Variants in ELP4 observed in about 807,000 individuals in gnomAD.
ELP4 encodes elongator complex protein 4.
In ELP4, 51 loss-of-function variants were observed where a neutral mutation model predicts 48.9. That is an observed-to-expected ratio of 1.04 (90% CI 0.83 to 1.32). The LOEUF (loss-of-function observed/expected upper bound fraction) is 1.32, where lower values mean the gene tolerates loss of function less well. Ranked by LOEUF, ELP4 falls within the 40% of genes most tolerant of loss-of-function variation. The pLI, the probability that ELP4 is intolerant of heterozygous loss-of-function variation, is 0.00. For synonymous variants in ELP4, 210 were observed against 189.2 expected (o/e 1.11, Z -0.90); for missense variants, 519 against 514.6 (o/e 1.01, Z -0.08).
intron 9 of ELP4, among the ~76,000 whole-genome samples, chr11:31,768,135 A>G (rs1056242576): frequency 1.3e-5 from 2 of 152,094 alleles, no homozygotes; most frequent in African/African-American, 2.4e-5. Context: ...TTTTTTTTCT[A>G]AATTTTACCA....
intron 5 of ELP4, among the ~76,000 whole-genome samples, chr11:31,617,827 T>G (rs1221623661): frequency 2.0e-5 from 3 of 151,090 alleles, no homozygotes; most frequent in Non-Finnish European, 4.4e-5. Context: ...ATAACAAGTG[T>G]TGACAAGGAT....
At chr11:31,763,019 AAAGAT>A (rs1220497045) in intron 9 of ELP4, among the ~76,000 whole-genome samples, 1 of 152,012 alleles carries the variant, frequency 6.6e-6, no homozygotes, top group Non-Finnish European at 1.5e-5. Context: ...AATAATAACA[AAAGAT>A]AAGTAAGCTC....
intron 3 of ELP4, among the ~76,000 whole-genome samples, chr11:31,590,776 A>G (rs1957555088): frequency 6.6e-6 from 1 of 152,152 alleles, no homozygotes; most frequent in Non-Finnish European, 1.5e-5. Flanking sequence ...GCAGGAAGGT[A>G]GTTCACACTT....
intron 9 of ELP4, among the ~76,000 whole-genome samples, chr11:31,756,065 C>G (rs1346613011): frequency 6.6e-6 from 1 of 152,134 alleles, no homozygotes. Context: ...TTAAAAGAAT[C>G]ACAGAAGTGA....
intron 2 of ELP4, among the ~76,000 whole-genome samples, chr11:31,524,592 A>G (rs1002842982): frequency 6.6e-6 from 1 of 152,252 alleles, no homozygotes; most frequent in Non-Finnish European, 1.5e-5. Context: ...GACAGGAATC[A>G]TAGGGACCAC....
chr11:31,546,695 C>T (rs1328984883), intron 3 of ELP4, among the ~76,000 whole-genome samples: 2 of 151,870 alleles, frequency 1.3e-5, no homozygotes, highest in Non-Finnish European at 2.9e-5. Flanking sequence ...TTTTTCAGCA[C>T]CACACCACAC....
In ELP4 at chr11:31,704,502, G is replaced by T. The variant is rs943561874; in HGVS notation, c.1143+54281G>T. On this transcript the variant is annotated intron_variant, in intron 9 of 9. Transcript: ENST00000640961. The stretch of plus-strand genomic sequence containing the variant: ...GGGCCTGTTGTGGGGTGGGAGGAGG[G>T]GGGAGGGAAAGCATTAGGAGATATA... Among the ~76,000 whole-genome samples the T allele has an allele frequency of 5.3e-5, 8 of 152,056 alleles. No homozygotes were observed. The East Asian group carries it at 1.4e-3, about 26-fold the overall frequency.
In ELP4 at chr11:31,647,715, T is replaced by G. The variant is rs533474275; in HGVS notation, c.928-26T>G. ...ATACTATTAACATAATATTTAACGT[T>G]ACTGTTTTGTTTCCATGTTTTGCAG... On this transcript the variant is annotated intron_variant, in intron 7 of 9. Transcript: ENST00000640961. 45 of 1,330,932 alleles carry G rather than the reference T, an allele frequency of 3.4e-5. No individual in the cohort carries two copies. The East Asian group carries it at 1.0e-3, about 31-fold the overall frequency. 82.4% of individuals were successfully genotyped at this position (1,330,932 alleles called of 1,614,324 possible). A position where few individuals can be genotyped will look rare whatever the true frequency, so the allele number is the denominator to read the frequency against.
chr11:31,746,760 G>A (rs1340869719), intron 9 of ELP4, among the ~76,000 whole-genome samples: 1 of 151,976 alleles, frequency 6.6e-6, no homozygotes, highest in African/African-American at 2.4e-5. Flanking sequence ...AGGGGGGAGG[G>A]ATAGCATTAG....
At chr11:31,539,555 G>A (rs918274735) in intron 2 of ELP4, 107 bp from the exon 3 acceptor site, 1 of 1,205,332 alleles carries the variant, frequency 8.3e-7, no homozygotes, top group Non-Finnish European at 1.1e-6. Flanking sequence ...TCATATACTT[G>A]TTTTAAGGAA....
At chr11:31,692,913 T>C (rs1186947272) in intron 9 of ELP4, among the ~76,000 whole-genome samples, 1 of 152,132 alleles carries the variant, frequency 6.6e-6, no homozygotes, top group African/African-American at 2.4e-5. Context: ...ATCCTGTATT[T>C]TCTCTATCAT....
intron 5 of ELP4, among the ~76,000 whole-genome samples, chr11:31,604,144 T>C (rs1957829597): frequency 6.6e-6 from 1 of 151,760 alleles, no homozygotes; most frequent in Admixed American, 6.6e-5. Flanking sequence ...AATTTGCAAC[T>C]TGAAAAATCA....
chr11:31,684,794 A>G (rs1392882864), intron 9 of ELP4, among the ~76,000 whole-genome samples: 4 of 152,180 alleles, frequency 2.6e-5, no homozygotes, highest in African/African-American at 7.2e-5. Context: ...ACAAAAATCA[A>G]TTCCAGATGG....
chr11:31,555,562 AC>A (rs558423669), intron 3 of ELP4, among the ~76,000 whole-genome samples: 4 of 151,972 alleles, frequency 2.6e-5, no homozygotes, highest in Admixed American at 1.3e-4. Context: ...ATGAAAAAGT[AC>A]AAAAGTATTG....
intron 9 of ELP4, among the ~76,000 whole-genome samples, chr11:31,674,372 G>T (rs1377106368): frequency 6.6e-6 from 1 of 152,126 alleles, no homozygotes; most frequent in African/African-American, 2.4e-5. Flanking sequence ...TTTCCAAATT[G>T]GTGTGTTTAA....
chr11:31,598,503 CTTTTTTTTT>C (rs10702222), intron 4 of ELP4, among the ~76,000 whole-genome samples: 2 of 77,740 alleles, frequency 2.6e-5, no homozygotes, highest in Non-Finnish European at 4.5e-5. Flanking sequence ...TTTTCTTCTT[CTTTTTTTTT>C]TTTTTTTTTT....
intron 3 of ELP4, chr11:31,580,950 T>C (rs1957380304): frequency 6.6e-6 from 1 of 152,180 alleles, no homozygotes; most frequent in South Asian, 2.1e-4. Context: ...GTATTAAGTG[T>C]GTACATGATG....
intron 3 of ELP4, among the ~76,000 whole-genome samples, chr11:31,559,381 A>G (rs759714133): frequency 1.3e-5 from 2 of 152,202 alleles, no homozygotes; most frequent in Non-Finnish European, 2.9e-5. Flanking sequence ...TTTGTTGTTT[A>G]TATAATATTC....
intron 3 of ELP4, among the ~76,000 whole-genome samples, chr11:31,547,922 G>C (rs538860237): frequency 6.6e-6 from 1 of 152,224 alleles, no homozygotes; most frequent in East Asian, 1.9e-4. Flanking sequence ...AAAGGCCTTT[G>C]ACAAAATTCA....
Sources: gnomAD v4.1 joint callset for allele counts (sites outside exome capture counted in the v4.1 genomes callset) on GRCh38, gnomAD v4.1.1 for gene constraint, MANE v1.5 for transcripts, NCBI Gene and HGNC (gene_info 2026-07-23, HGNC 2026-07-21) for gene names.